The following PCDHAC1 variants were observed in gnomAD, a reference collection of about 807,000 sequenced individuals.
The protein encoded by PCDHAC1 is protocadherin alpha-C1.
Under a neutral mutation model 60.0 loss-of-function variants are expected in PCDHAC1, and 42 were observed. The observed-to-expected ratio is 0.70, with a 90% CI of 0.55 to 0.90. The LOEUF (loss-of-function observed/expected upper bound fraction) is 0.90, where lower values mean the gene tolerates loss of function less well. Ranked by LOEUF, PCDHAC1 falls within the 40% of genes least tolerant of loss-of-function variation. The pLI, the probability that PCDHAC1 is intolerant of heterozygous loss-of-function variation, is 0.00. For missense variants in PCDHAC1, 1,160 were observed against 1,222.3 expected (o/e 0.95, Z 0.76); for synonymous variants, 468 against 499.3 (o/e 0.94, Z 0.84).
chr5:140,991,501 A>G (rs1223011478), intron 3 of PCDHAC1, among the ~76,000 whole-genome samples: 1 of 152,216 alleles, frequency 6.6e-6, no homozygotes, highest in East Asian at 1.9e-4. Context: ...AGTGAGTTTC[A>G]CTGGCTAAAA....
In PCDHAC1 at chr5:140,929,084, T is replaced by C; in HGVS notation, c.2192T>C (p.Met731Thr). Residue 731 changes from methionine to threonine, a missense_variant, in exon 1 of 4, where the codon ATG becomes ACG. Physicochemically the swap from Met to Thr is moderately conservative, Grantham distance 81. Transcript: ENST00000253807. ...STEDLRYGSK[M>T]VSNPCMTSAT... ...GAGGATCTGAGGTATGGAAGTAAGATGGTTTCAAATCCTTGCATGACATCA... is the reference window on the plus strand; with the variant it reads ...GAGGATCTGAGGTATGGAAGTAAGACGGTTTCAAATCCTTGCATGACATCA... The C allele has an allele frequency of 1.9e-6, 3 of 1,614,160 alleles. No individual in the cohort carries two copies. The South Asian group carries it at 3.3e-5, about 18-fold the overall frequency.
At chr5:140,964,107 G>A (rs1298844061) in intron 1 of PCDHAC1, among the ~76,000 whole-genome samples, 1 of 152,090 alleles carries the variant, frequency 6.6e-6, no homozygotes, top group Non-Finnish European at 1.5e-5. Flanking sequence ...AACAGTCTGA[G>A]CAATCACATT....
intron 1 of PCDHAC1, among the ~76,000 whole-genome samples, chr5:140,955,351 A>G (rs246019): frequency 0.56 from 85,599 of 151,868 alleles, 24,746 homozygotes; most frequent in African/African-American, 0.69. Flanking sequence ...ACATGTTGTG[A>G]GAGGGACCCA....
At chr5:140,999,159 G>A (rs1056236953) in intron 3 of PCDHAC1, among the ~76,000 whole-genome samples, 2 of 152,182 alleles carry the variant, frequency 1.3e-5, no homozygotes, top group African/African-American at 2.4e-5. Flanking sequence ...CAGTCCCCTA[G>A]AAGGAAAAGA....
At chr5:140,954,237 A>G (rs1442141242) in intron 1 of PCDHAC1, among the ~76,000 whole-genome samples, 14 of 152,338 alleles carry the variant, frequency 9.2e-5, no homozygotes, top group Middle Eastern at 3.4e-3. Flanking sequence ...TAGTGCTGCA[A>G]TGAACATACA....
intron 3 of PCDHAC1, among the ~76,000 whole-genome samples, chr5:140,995,446 T>C (rs2097684088): frequency 6.6e-6 from 1 of 152,206 alleles, no homozygotes; most frequent in Non-Finnish European, 1.5e-5. Flanking sequence ...TTAAAACTTA[T>C]GAATTGTTTA....
chr5:141,000,926 G>T (rs1554257936), intron 3 of PCDHAC1, among the ~76,000 whole-genome samples: 1 of 151,956 alleles, frequency 6.6e-6, no homozygotes, highest in Non-Finnish European at 1.5e-5. Flanking sequence ...AAAATCCTGT[G>T]TGATTTAGGA....
chr5:140,932,583 G>A (rs1007147257), intron 1 of PCDHAC1, among the ~76,000 whole-genome samples: 29 of 151,810 alleles, frequency 1.9e-4, no homozygotes, highest in Admixed American at 1.8e-3. Flanking sequence ...AGGGTAATTA[G>A]ATGTTTTGTA....
intron 1 of PCDHAC1, chr5:140,929,740 A>G (rs2086345950): frequency 5.1e-6 from 1 of 196,656 alleles, no homozygotes; most frequent in African/African-American, 2.3e-5. Context: ...AACTATTGCA[A>G]TGCATTATTA....
At chr5:140,980,835 T>A (rs2096907301) in intron 2 of PCDHAC1, among the ~76,000 whole-genome samples, 1 of 152,220 alleles carries the variant, frequency 6.6e-6, no homozygotes, top group South Asian at 2.1e-4. Flanking sequence ...GTTGTGAACC[T>A]AAATAATACT....
At chr5:141,005,490 TC>T (rs1451220963) in intron 3 of PCDHAC1, among the ~76,000 whole-genome samples, 1 of 151,242 alleles carries the variant, frequency 6.6e-6, no homozygotes. Flanking sequence ...GATCATGAGG[TC>T]AGGAGATCGA....
In PCDHAC1 at chr5:140,927,503, C is replaced by T. The variant is rs148532418; in HGVS notation, c.611C>T (p.Thr204Ile). Residue 204 changes from threonine to isoleucine, a missense_variant, in exon 1 of 4, where the codon ACA becomes ATA. Physicochemically the swap from Thr to Ile is moderately conservative, Grantham distance 89 (BLOSUM62 -1). Around this residue, in one of 3 missense-constraint regions of PCDHAC1, gnomAD observed 1,113 missense variants for 1,163.7 expected, o/e 0.96. Transcript: ENST00000253807. ...CGCGCCACCCACCTGCTGGTGCTTA[C>T]AGCTCGGGACGGCGGGCTACCTGCC... The part of the protein sequence containing the change: ...EQRATHLLVL[T>I]ARDGGLPARS... The T allele has an allele frequency of 1.2e-4, 190 of 1,614,128 alleles. No homozygotes were observed. In the African/African-American group the frequency reaches 2.3e-3, roughly 19 times the overall value.
At chr5:140,929,379 GT>G (rs1554207046) in intron 1 of PCDHAC1, 54 bp downstream of exon 1, 1 of 1,513,346 alleles carries the variant, frequency 6.6e-7, no homozygotes, top group African/African-American at 1.4e-5. Context: ...GCTGCTAGCT[GT>G]GTTTTGAAAT....
chr5:140,983,711 G>C (rs2097062291), intron 3 of PCDHAC1, among the ~76,000 whole-genome samples: 1 of 152,202 alleles, frequency 6.6e-6, no homozygotes, highest in Non-Finnish European at 1.5e-5. Context: ...AGTATATCTA[G>C]CACTTATATT....
chr5:140,973,936 G>A (rs2096608372), intron 1 of PCDHAC1, among the ~76,000 whole-genome samples: 1 of 152,334 alleles, frequency 6.6e-6, no homozygotes, highest in Admixed American at 6.5e-5. Context: ...AGGTTTAGCT[G>A]AATATGATGG....
At position 141,010,023 on chromosome 5, in the gene PCDHAC1, C is replaced by T. The variant is rs1196328903; in HGVS notation, c.*86C>T. Reference sequence around the variant, plus strand: ...TGTAGCAATTCCCTGCTCCTTTTTCCTATCTACATGAGCCCTCTTAGAGAC... The same window carrying T: ...TGTAGCAATTCCCTGCTCCTTTTTCTTATCTACATGAGCCCTCTTAGAGAC... On this transcript the variant is annotated 3_prime_UTR_variant, in exon 4 of 4. Transcript: ENST00000253807. 10 of 1,571,304 alleles carry T rather than the reference C, an allele frequency of 6.4e-6. No homozygotes were observed. Among genetic ancestry groups the T allele is most frequent in the Non-Finnish European group, 8.6e-6 (10 of 1,163,016 alleles).
intron 1 of PCDHAC1, among the ~76,000 whole-genome samples, chr5:140,975,592 C>A (rs2096673847): frequency 6.6e-6 from 1 of 152,170 alleles, no homozygotes; most frequent in Non-Finnish European, 1.5e-5. Context: ...TCCCAGAGGG[C>A]AATTTGTTGA....
At position 141,009,688 on chromosome 5, in the gene PCDHAC1, C is replaced by A. The variant is rs2098413722; in HGVS notation, c.2643C>A (p.Thr881=). 1 of 1,613,960 alleles carries A rather than the reference C, an allele frequency of 6.2e-7. No individual in the cohort carries two copies. Among genetic ancestry groups the A allele is most frequent in the Admixed American group, 1.7e-5 (1 of 59,994 alleles). ...CGGGTGTCAACAGCAACAGCTGGAC[C>A]TTTAAATACGGACCAGGCAACCCCA... ...VGAGVNSNSW[T]FKYGPGNPKQ... is the part of the protein sequence containing the mutation. Residue 881 remains threonine, a synonymous_variant, in exon 4 of 4, where the codon ACC becomes ACA. Transcript: ENST00000253807.
chr5:140,969,074 C>T (rs782163688), intron 1 of PCDHAC1: 3 of 1,614,142 alleles, frequency 1.9e-6, no homozygotes, highest in Non-Finnish European at 2.5e-6. Flanking sequence ...CAGGATACCG[C>T]ATGGCCTCAA....
Sources: allele counts gnomAD v4.1 joint callset (sites outside exome capture counted in the v4.1 genomes callset), GRCh38; gene constraint gnomAD v4.1.1; regional missense constraint gnomAD v4.1.1; transcripts MANE v1.5; gene names NCBI Gene and HGNC (gene_info 2026-07-23, HGNC 2026-07-21).